Variants in CHD9 observed in about 807,000 individuals in gnomAD.
CHD9 encodes the protein ATP-dependent chromatin remodeler CHD9.
In CHD9, 77 loss-of-function variants were observed where a neutral mutation model predicts 316.1. That is an observed-to-expected ratio of 0.24 (90% CI 0.20 to 0.29). The LOEUF (loss-of-function observed/expected upper bound fraction) is 0.29, where lower values mean the gene tolerates loss of function less well. Among genes scored for constraint, CHD9 ranks in the 10% least tolerant of loss-of-function variants. The probability of loss-of-function intolerance (pLI) is 1.00; values close to 1 mark genes in which losing one functional copy is unlikely to be tolerated. For missense variants in CHD9, 2,763 were observed against 3,438.1 expected (o/e 0.80, Z 4.91); for synonymous variants, 1,129 against 1,158.3 (o/e 0.97, Z 0.51).
At chr16:53,233,335 C>T (rs1408174248) in intron 10 of CHD9, among the ~76,000 whole-genome samples, 1 of 152,160 alleles carries the variant, frequency 6.6e-6, no homozygotes, top group Non-Finnish European at 1.5e-5. Context: ...TACAAACAAA[C>T]AGCCAGAGGA....
At chr16:53,190,262 A>G (rs2152825608) in intron 2 of CHD9, among the ~76,000 whole-genome samples, 1 of 152,266 alleles carries the variant, frequency 6.6e-6, no homozygotes, top group East Asian at 1.9e-4. Context: ...TTTATACTAG[A>G]AGAAATAAAA....
In CHD9 at chr16:53,315,008, C is replaced by T. The variant is rs751994157; in HGVS notation, c.7548C>T (p.His2516=). Residue 2516 remains histidine, a synonymous_variant, in exon 36 of 39, where the codon CAC becomes CAT. Transcript: ENST00000447540. ...RKDLEKWLKE[H]PGYVEDLGAF... ...ATTTGGAAAAATGGCTTAAGGAGCA[C>T]CCGGGTTATGTGGAAGATTTGGGAG... The T allele has an allele frequency of 3.8e-5, 61 of 1,613,598 alleles. No homozygotes were observed. The highest frequency in any genetic ancestry group is 4.8e-5 in the Non-Finnish European group (57 of 1,179,772).
At chr16:53,166,529 A>C (rs1490075649) in intron 2 of CHD9, among the ~76,000 whole-genome samples, 1 of 152,196 alleles carries the variant, frequency 6.6e-6, no homozygotes, top group African/African-American at 2.4e-5. Context: ...TTATTGATAC[A>C]TGAAATATAA....
intron 2 of CHD9, among the ~76,000 whole-genome samples, chr16:53,177,521 A>G (rs746154918): frequency 3.3e-5 from 5 of 152,112 alleles, no homozygotes; most frequent in Non-Finnish European, 7.4e-5. Flanking sequence ...ATAATTTTTA[A>G]TTTTTCAGTT....
At chr16:53,181,857 A>T (rs2043550958) in intron 2 of CHD9, among the ~76,000 whole-genome samples, 1 of 152,172 alleles carries the variant, frequency 6.6e-6, no homozygotes, top group African/African-American at 2.4e-5. Flanking sequence ...AGCTGGGCGA[A>T]TCACCTAGGG....
chr16:53,179,974 AGCAGTG>A (rs1410759772), intron 2 of CHD9, among the ~76,000 whole-genome samples: 4 of 150,546 alleles, frequency 2.7e-5, no homozygotes, highest in African/African-American at 7.3e-5. Context: ...CCCTTTGAAG[AGCAGTG>A]GTCATTATGA....
At chr16:53,230,772 A>T (rs1440023731) in intron 8 of CHD9, among the ~76,000 whole-genome samples, 2 of 138,724 alleles carry the variant, frequency 1.4e-5, no homozygotes, top group Admixed American at 7.0e-5. Flanking sequence ...AGAAGTGAGG[A>T]TGAAGAAGGA....
chr16:53,258,856 A>C (rs1005746695), intron 19 of CHD9, among the ~76,000 whole-genome samples: 1 of 152,168 alleles, frequency 6.6e-6, no homozygotes, highest in Non-Finnish European at 1.5e-5. Context: ...GATTTTTAAA[A>C]ATTTGATAGA....
intron 17 of CHD9, among the ~76,000 whole-genome samples, chr16:53,253,000 A>G (rs1429540635): frequency 1.3e-5 from 2 of 152,182 alleles, no homozygotes; most frequent in African/African-American, 4.8e-5. Context: ...AGATTCCTTA[A>G]AGAACAAAAA....
chr16:53,242,832 A>T lies in CHD9; in HGVS notation c.2878-8A>T, dbSNP rs1469921041. 47 of 1,595,326 alleles carry T rather than the reference A, an allele frequency of 2.9e-5. No homozygotes were observed. Among genetic ancestry groups the T allele is most frequent in the Non-Finnish European group, 3.7e-5 (44 of 1,173,650 alleles). On this transcript the variant is annotated splice_region_variant and splice_polypyrimidine_tract_variant and intron_variant, in intron 12 of 38. Coordinates refer to ENST00000447540, the MANE Select transcript of CHD9 (RefSeq NM_001308319.2). ...TTCCAGCAAATAATTATATTTGATC[A>T]TTTCTAGGGGCGTATCATTCGAGGA... is the stretch of plus-strand genomic sequence containing the variant.
chr16:53,161,718 T>C (rs981600592), intron 2 of CHD9, among the ~76,000 whole-genome samples: 22 of 152,236 alleles, frequency 1.4e-4, no homozygotes, highest in Non-Finnish European at 2.4e-4. Context: ...AGTGAGAATG[T>C]TGAATATTTA....
chr16:53,116,031 A>G (rs1459836231), intron 1 of CHD9, among the ~76,000 whole-genome samples: 1 of 152,194 alleles, frequency 6.6e-6, no homozygotes, highest in Non-Finnish European at 1.5e-5. Context: ...GCGGCAGATC[A>G]TAAGCAAATA....
chr16:53,218,605 T>G (rs1452991129), intron 3 of CHD9, among the ~76,000 whole-genome samples: 1 of 152,170 alleles, frequency 6.6e-6, no homozygotes, highest in East Asian at 1.9e-4. Flanking sequence ...TTGTAAATTT[T>G]AAAAAAATTT....
intron 2 of CHD9, among the ~76,000 whole-genome samples, chr16:53,195,844 A>C: frequency 6.9e-6 from 1 of 144,228 alleles, no homozygotes; most frequent in South Asian, 2.2e-4. Flanking sequence ...TGCAATCTCC[A>C]CCTCCCAAGT....
intron 27 of CHD9, among the ~76,000 whole-genome samples, chr16:53,291,405 CACTT>C (rs1345445840): frequency 1.3e-5 from 2 of 152,092 alleles, no homozygotes; most frequent in African/African-American, 2.4e-5. Flanking sequence ...GAAAAAAACA[CACTT>C]AGTTAGCAAT....
Position 53,304,090 on chromosome 16 carries a change from T to C in CHD9, c.6084T>C (p.Leu2028=), listed in dbSNP as rs1351424409. ...QYQVALSASP[L]TSLPRLLDAK... ...AAGTAGCACTTTCTGCTTCTCCTCT[T>C]ACCTCTCTACCTAGGCTCCTAGATG... Residue 2028 remains leucine (L), a synonymous_variant, in exon 31 of 39, where the codon CTT becomes CTC. Transcript: ENST00000447540. 1.1e-5 allele frequency: 18 copies of C among 1,613,872 alleles called. No homozygotes were observed. Among genetic ancestry groups the C allele is most frequent in the Non-Finnish European group, 1.3e-5 (15 of 1,179,886 alleles).
intron 1 of CHD9, among the ~76,000 whole-genome samples, chr16:53,097,631 G>T (rs1287511878): frequency 6.6e-6 from 1 of 152,200 alleles, no homozygotes; most frequent in Non-Finnish European, 1.5e-5. Flanking sequence ...TGTATCTTTA[G>T]TGAATTTAGC....
chr16:53,067,918 G>T (rs915948614), intron 1 of CHD9, among the ~76,000 whole-genome samples: 2 of 152,274 alleles, frequency 1.3e-5, no homozygotes, highest in Admixed American at 1.3e-4. Context: ...AATTAGCTGG[G>T]CATGGTGGCA....
At chr16:53,092,112 T>G (rs1216641917) in intron 1 of CHD9, among the ~76,000 whole-genome samples, 1 of 152,170 alleles carries the variant, frequency 6.6e-6, no homozygotes, top group Non-Finnish European at 1.5e-5. Flanking sequence ...AGGCAAATAC[T>G]TCCCCCCCAG....
Sources: gnomAD v4.1 joint callset for allele counts (sites outside exome capture counted in the v4.1 genomes callset) on GRCh38, gnomAD v4.1.1 for gene constraint, MANE v1.5 for transcripts, NCBI Gene and HGNC (gene_info 2026-07-23, HGNC 2026-07-21) for gene names.